PSENEN: variants seen among roughly 807,000 people sequenced by gnomAD.
PSENEN encodes the protein presenilin enhancer, gamma-secretase subunit, also known as gamma-secretase subunit PEN-2.
PSENEN carries 4 observed loss-of-function variants against 15.4 expected under a neutral mutation model. The observed-to-expected ratio is 0.26, with a 90% CI of 0.13 to 0.59. The LOEUF is 0.59. Ranked by LOEUF, PSENEN falls within the 20% of genes least tolerant of loss-of-function variation. The pLI, the probability that PSENEN is intolerant of heterozygous loss-of-function variation, is 0.89. For synonymous variants in PSENEN, 42 were observed against 46.5 expected (o/e 0.90, Z 0.39); for missense variants, 112 against 120.3 (o/e 0.93, Z 0.32).
rs1313709243 is a variant in PSENEN, at chr19:35,747,204, C to CTTCCAT, written c.*361_*366dup. On this transcript the variant is annotated 3_prime_UTR_variant, in exon 4 of 4. Coordinates refer to ENST00000587708, the MANE Select transcript of PSENEN (RefSeq NM_172341.4). Reference sequence around the variant, plus strand: ...ATGAGAAACTAAGAAAGGAATAGTGCTTCCATTTCTTTTTCTTTTTTCTTT... The same window carrying CTTCCAT: ...ATGAGAAACTAAGAAAGGAATAGTGCTTCCATTTCCATTTCTTTTTCTTTTTTCTTT... 5.9e-6 allele frequency: 1 copy of CTTCCAT among 170,292 alleles called. No individual in the cohort carries two copies. The highest frequency in any genetic ancestry group is 1.2e-5 in the Non-Finnish European group (1 of 81,782). 10.5% of individuals were successfully genotyped at this position (170,292 alleles called of 1,614,324 possible). A position where few individuals can be genotyped will look rare whatever the true frequency, so the allele number is the denominator to read the frequency against.
In PSENEN at chr19:35,745,896, G is replaced by T. The variant is rs1355116222; in HGVS notation, c.-35G>T. ...AGGGTCAAGGCTTGGGTCTTGCCCC[G>T]CAGACCCTTGGGACGACCCGGCCCC... is the stretch of plus-strand genomic sequence containing the variant. On this transcript the variant is annotated 5_prime_UTR_variant, in exon 2 of 4. Coordinates refer to ENST00000587708, the MANE Select transcript of PSENEN (RefSeq NM_172341.4). 1.9e-6 allele frequency: 3 copies of T among 1,608,168 alleles called. No homozygotes were observed. Among genetic ancestry groups the T allele is most frequent in the East Asian group, 4.5e-5 (2 of 44,886 alleles).
At chr19:35,745,785 C>G (rs1313446068) in intron 1 of PSENEN, 50 bp from the exon 2 acceptor site, 2 of 865,066 alleles carry the variant, frequency 2.3e-6, no homozygotes, top group African/African-American at 3.3e-5. Context: ...TGGGGATGCC[C>G]TGCTTTCAGC....
At position 35,746,745 on chromosome 19, in the gene PSENEN, G is replaced by T. The variant is rs1324407646; in HGVS notation, c.204G>T (p.Val68=). 1 of 1,614,168 alleles carries T rather than the reference G, an allele frequency of 6.2e-7. No individual in the cohort carries two copies. Residue 68 remains valine (V), a synonymous_variant, in exon 4 of 4, where the codon GTG becomes GTT. Coordinates refer to ENST00000587708, the MANE Select transcript of PSENEN (RefSeq NM_172341.4). ...CAGCTGTGGGCTTCCTCTTCTGGGT[G>T]ATAGTGCTCACCTCCTGGATCACCA... ...WRSAVGFLFW[V]IVLTSWITIF...
rs2146518277 is a variant in PSENEN, at chr19:35,745,758, C to T, written c.-97+58C>T. 1.8e-5 allele frequency: 13 copies of T among 735,562 alleles called. 1 individual carries two copies. The highest frequency in any genetic ancestry group is 1.6e-4 in the South Asian group (11 of 68,486). 45.6% of individuals were successfully genotyped at this position (735,562 alleles called of 1,614,324 possible). A position where few individuals can be genotyped will look rare whatever the true frequency, so the allele number is the denominator to read the frequency against. ...AATATAAAGAGCTCTTTAATCCAGC[C>T]AGCTTACTAGTGGGGGTGGGGATGC... On this transcript the variant is annotated intron_variant, in intron 1 of 3. Transcript: ENST00000587708.
Position 35,745,837 on chromosome 19 carries a change from G to T in PSENEN, c.-94G>T, listed in dbSNP as rs202032059. On this transcript the variant is annotated splice_region_variant and 5_prime_UTR_variant, in exon 2 of 4. Coordinates refer to ENST00000587708, the MANE Select transcript of PSENEN (RefSeq NM_172341.4). ...TTATCTCTGATTTGTTCTAATAGGG[G>T]CGTGGTTGTTCGTGATCCTTGCATC... The T allele has an allele frequency of 1.5e-4, 184 of 1,211,712 alleles. No homozygotes were observed. In the Middle Eastern group the frequency reaches 1.7e-3, roughly 11 times the overall value. 75.1% of individuals were successfully genotyped at this position (1,211,712 alleles called of 1,614,324 possible). A position where few individuals can be genotyped will look rare whatever the true frequency, so the allele number is the denominator to read the frequency against.
In PSENEN at chr19:35,747,191, G is replaced by A. The variant is rs1262933883; in HGVS notation, c.*344G>A. ...AGGAAACTATTAGATGAGAAACTAA[G>A]AAAGGAATAGTGCTTCCATTTCTTT... On this transcript the variant is annotated 3_prime_UTR_variant, in exon 4 of 4. Transcript: ENST00000587708. 2 of 176,946 alleles carry A rather than the reference G, an allele frequency of 1.1e-5. No individual in the cohort carries two copies. The highest frequency in any genetic ancestry group is 6.1e-5 in the Admixed American group (1 of 16,418). The allele number at this position is 176,946 out of a possible 1,614,324, so 11.0% of individuals were successfully genotyped here.
At position 35,745,898 on chromosome 19, in the gene PSENEN, A is replaced by G. The variant is rs1354993576; in HGVS notation, c.-33A>G. ...GGTCAAGGCTTGGGTCTTGCCCCGC[A>G]GACCCTTGGGACGACCCGGCCCCAG... On this transcript the variant is annotated 5_prime_UTR_variant, in exon 2 of 4. Transcript: ENST00000587708. The G allele has an allele frequency of 1.2e-6, 2 of 1,612,090 alleles. No homozygotes were observed. The highest frequency in any genetic ancestry group is 3.3e-4 in the Middle Eastern group (2 of 6,056).
In PSENEN at chr19:35,746,906, AGGAGCCTGTCCTG is replaced by A; in HGVS notation, c.*66_*78del. On this transcript the variant is annotated 3_prime_UTR_variant, in exon 4 of 4. Transcript: ENST00000587708. ...TCCCAGGACAGGCTCCTTAAAGCAGAGGAGCCTGTCCTGGGAGCCCCTTCTCAAACTCCTAAGA... is the reference window on the plus strand; with the variant it reads ...TCCCAGGACAGGCTCCTTAAAGCAGAGGAGCCCCTTCTCAAACTCCTAAGA... 1 of 1,548,388 alleles carries A rather than the reference AGGAGCCTGTCCTG, an allele frequency of 6.5e-7. No individual in the cohort carries two copies. The highest frequency in any genetic ancestry group is 1.2e-5 in the South Asian group (1 of 84,310).
intron 2 of PSENEN, 110 bp downstream of exon 2, chr19:35,746,101 C>G (rs1049537923): frequency 1.8e-6 from 2 of 1,111,414 alleles, no homozygotes; most frequent in Admixed American, 2.0e-5. Context: ...GAAGGACCTG[C>G]GAACGCCGAC....
In PSENEN at chr19:35,746,317, G is replaced by C. The variant is rs549625374; in HGVS notation, c.62-102G>C. 8 of 1,011,528 alleles carry C rather than the reference G, an allele frequency of 7.9e-6. No homozygotes were observed. The East Asian group carries it at 1.9e-4, about 24-fold the overall frequency. 62.7% of individuals were successfully genotyped at this position (1,011,528 alleles called of 1,614,324 possible). A position where few individuals can be genotyped will look rare whatever the true frequency, so the allele number is the denominator to read the frequency against. ...CAGAAATCTCCATTTGAACTTGGGT[G>C]TGGGAGAGTTTCTTCCAAATAGATC... On this transcript the variant is annotated intron_variant, in intron 2 of 3. Coordinates refer to ENST00000587708, the MANE Select transcript of PSENEN (RefSeq NM_172341.4).
chr19:35,746,326 T>A (rs3817622), intron 2 of PSENEN, 93 bp from the exon 3 acceptor site: 109,678 of 1,125,906 alleles, frequency 0.097, 5,964 homozygotes, highest in South Asian at 0.11. Flanking sequence ...TGTGGGAGAG[T>A]TTCTTCCAAA....
Position 35,745,680 on chromosome 19 carries a change from C to A in PSENEN, c.-117C>A. The A allele has an allele frequency of 1.6e-6, 1 of 617,116 alleles. No individual in the cohort carries two copies. Among genetic ancestry groups the A allele is most frequent in the South Asian group, 1.9e-5 (1 of 51,536 alleles). The allele number at this position is 617,116 out of a possible 1,614,324, so 38.2% of individuals were successfully genotyped here. A position where few individuals can be genotyped will look rare whatever the true frequency, so the allele number is the denominator to read the frequency against. On this transcript the variant is annotated 5_prime_UTR_variant, in exon 1 of 4. Transcript: ENST00000587708. ...CTGAAAGTAGCTAAGGCACCCCAGC[C>A]GGAGGAAGTGAGCTCTCCTGGTGAG...
chr19:35,746,516 C>G lies in PSENEN; in HGVS notation c.159C>G (p.Ile53Met). ...CAGCCTACACAGAACAGAGCCAAAT[C>G]AAAGGCTGTGAGTCTAGAGCACAGA... ...LVPAYTEQSQ[I>M]KGYVWRSAVG... The change falls in exon 3 of 4, where the codon ATC (isoleucine) becomes ATG (methionine). Residue 53 changes from isoleucine (I) to methionine (M), a missense_variant. Coordinates refer to ENST00000587708, the MANE Select transcript of PSENEN (RefSeq NM_172341.4). 6.2e-7 allele frequency: 1 copy of G among 1,613,142 alleles called. No homozygotes were observed. Among genetic ancestry groups the G allele is most frequent in the South Asian group, 1.1e-5 (1 of 91,050 alleles).
In PSENEN at chr19:35,746,011, T is replaced by A; in HGVS notation, c.61+20T>A. ...ACCTGGGTAAGGCAGATCGCTAGGG[T>A]CCCAGGAGAAGAGAGGGGACTGGAC... is the stretch of plus-strand genomic sequence containing the variant. On this transcript the variant is annotated intron_variant, in intron 2 of 3. Transcript: ENST00000587708. 1 of 1,613,064 alleles carries A rather than the reference T, an allele frequency of 6.2e-7. No individual in the cohort carries two copies. The highest frequency in any genetic ancestry group is 2.2e-5 in the East Asian group (1 of 44,878).
chr19:35,746,830 C>A lies in PSENEN; in HGVS notation c.289C>A (p.Pro97Thr). The stretch of plus-strand genomic sequence containing the variant: ...TGGGGACTACCTCTCCTTCACCATA[C>A]CCCTGGGCACCCCCTGACAACTTCT... ...ALGDYLSFTI[P>T]LGTP is the part of the protein sequence containing the mutation. Residue 97 changes from proline (P) to threonine (T), a missense_variant, in exon 4 of 4, where the codon CCC becomes ACC. Coordinates refer to ENST00000587708, the MANE Select transcript of PSENEN (RefSeq NM_172341.4). 6.2e-7 allele frequency: 1 copy of A among 1,613,930 alleles called. No individual in the cohort carries two copies. The highest frequency in any genetic ancestry group is 1.1e-5 in the South Asian group (1 of 91,066).
In PSENEN at chr19:35,745,970, C is replaced by T. The variant is rs200510037; in HGVS notation, c.40C>T (p.Leu14=). 184 of 1,614,120 alleles carry T rather than the reference C, an allele frequency of 1.1e-4. 2 individuals are homozygous for T. In the South Asian group the frequency reaches 2.0e-3, roughly 17 times the overall value. The part of the protein sequence containing the change: ...ERVSNEEKLN[L]CRKYYLGGFA... Reference sequence around the variant, plus strand: ...AGTGTCCAATGAGGAGAAATTGAACCTGTGCCGGAAGTACTACCTGGGTAA... The same window carrying T: ...AGTGTCCAATGAGGAGAAATTGAACTTGTGCCGGAAGTACTACCTGGGTAA... Residue 14 remains leucine (L), a synonymous_variant, in exon 2 of 4, where the codon CTG becomes TTG. Transcript: ENST00000587708.
chr19:35,745,828 CTAATAGGGGCG>C lies in PSENEN; in HGVS notation c.-96-5_-91del. ...CCTTTACATTTATCTCTGATTTGTT[CTAATAGGGGCG>C]TGGTTGTTCGTGATCCTTGCATCTG... is the stretch of plus-strand genomic sequence containing the variant. On this transcript the variant is annotated splice_acceptor_variant and splice_polypyrimidine_tract_variant and 5_prime_UTR_variant and intron_variant, in exon 2 of 4. Coordinates refer to ENST00000587708, the MANE Select transcript of PSENEN (RefSeq NM_172341.4). LOFTEE classifies it low-confidence loss of function (5UTR_SPLICE). 8.6e-7 allele frequency: 1 copy of C among 1,157,142 alleles called. No homozygotes were observed. The highest frequency in any genetic ancestry group is 1.7e-5 in the Admixed American group (1 of 59,438). The allele number at this position is 1,157,142 out of a possible 1,614,324, so 71.7% of individuals were successfully genotyped here. A position where few individuals can be genotyped will look rare whatever the true frequency, so the allele number is the denominator to read the frequency against.
Position 35,746,727 on chromosome 19 carries a change from G to A in PSENEN, c.186G>A (p.Val62=). The A allele has an allele frequency of 2.5e-6, 4 of 1,614,122 alleles. No homozygotes were observed. The highest frequency in any genetic ancestry group is 3.4e-6 in the Non-Finnish European group (4 of 1,180,020). ...QIKGYVWRSA[V]GFLFWVIVLT... The stretch of plus-strand genomic sequence containing the variant: ...TGACAGATGTCTGGCGCTCAGCTGT[G>A]GGCTTCCTCTTCTGGGTGATAGTGC... Residue 62 remains valine, a synonymous_variant, in exon 4 of 4, where the codon GTG becomes GTA. Coordinates refer to ENST00000587708, the MANE Select transcript of PSENEN (RefSeq NM_172341.4).
intron 3 of PSENEN, 60 bp from the exon 4 acceptor site, chr19:35,746,648 C>T (rs1326873523): frequency 6.2e-7 from 1 of 1,613,594 alleles, no homozygotes. Flanking sequence ...GAAGGCTGGT[C>T]TAGGGAAGTC....
Sources: allele counts gnomAD v4.1 joint callset, GRCh38; gene constraint gnomAD v4.1.1; transcripts MANE v1.5; gene names NCBI Gene and HGNC (gene_info 2026-07-23, HGNC 2026-07-21).